Variants in ADORA2B observed in about 807,000 individuals in gnomAD.
ADORA2B encodes the protein adenosine receptor A2b.
In ADORA2B, 18 loss-of-function variants were observed where a neutral mutation model predicts 20.8. That is an observed-to-expected ratio of 0.87 (90% CI 0.60 to 1.29). ADORA2B has a LOEUF of 1.29. ADORA2B is among the 50% of genes most tolerant of loss of function. ADORA2B has a pLI of 0.00. For missense variants in ADORA2B, 441 were observed against 422.7 expected (o/e 1.04, Z -0.38); for synonymous variants, 179 against 178.3 (o/e 1.00, Z -0.03).
the ADORA2B span, among the ~76,000 whole-genome samples, chr17:15,911,714 T>G: frequency 2.0e-5 from 3 of 152,172 alleles, no homozygotes; most frequent in African/African-American, 7.2e-5. Flanking sequence ...TGACTGCCAT[T>G]TTACTTGCCA....
At chr17:15,857,588 C>T in the ADORA2B span, among the ~76,000 whole-genome samples, 1 of 152,180 alleles carries the variant, frequency 6.6e-6, no homozygotes, top group African/African-American at 2.4e-5. Context: ...GGAGCCTACC[C>T]CTTGGATCAG....
the ADORA2B span, among the ~76,000 whole-genome samples, chr17:15,882,087 A>G: frequency 4.6e-5 from 7 of 152,308 alleles, no homozygotes; most frequent in Non-Finnish European, 1.0e-4. Context: ...TCCTTAAGGA[A>G]AAGGGGAGAG....
the ADORA2B span, among the ~76,000 whole-genome samples, chr17:15,899,229 C>CA: frequency 7.2e-3 from 931 of 129,278 alleles, 4 homozygotes; most frequent in South Asian, 0.027. Flanking sequence ...GACTCTGTCT[C>CA]AAAAAAAAAA....
chr17:15,954,408 G>A (rs1470587957), intron 1 of ADORA2B, among the ~76,000 whole-genome samples: 1 of 152,144 alleles, frequency 6.6e-6, no homozygotes, highest in Non-Finnish European at 1.5e-5. Context: ...CCACATCCTC[G>A]TGATCACCCA....
At chr17:15,918,175 T>G in the ADORA2B span, among the ~76,000 whole-genome samples, 1 of 152,180 alleles carries the variant, frequency 6.6e-6, no homozygotes, top group Non-Finnish European at 1.5e-5. Flanking sequence ...GAGCTGCTCC[T>G]GGCCTCTTAC....
At chr17:15,958,524 T>C (rs925979606) in intron 1 of ADORA2B, among the ~76,000 whole-genome samples, 5 of 152,200 alleles carry the variant, frequency 3.3e-5, no homozygotes, top group African/African-American at 1.2e-4. Context: ...TGCCTTAGGA[T>C]GTCATCCCAG....
At chr17:15,882,790 A>G in the ADORA2B span, among the ~76,000 whole-genome samples, 1 of 151,910 alleles carries the variant, frequency 6.6e-6, no homozygotes, top group Non-Finnish European at 1.5e-5. Context: ...ACTGAGGGTG[A>G]TTTAAGTTTC....
chr17:15,865,697 A>G, the ADORA2B span, among the ~76,000 whole-genome samples: 1 of 151,000 alleles, frequency 6.6e-6, no homozygotes, highest in African/African-American at 2.4e-5. Flanking sequence ...ACTCCCTAAG[A>G]TAACCATTGT....
the ADORA2B span, among the ~76,000 whole-genome samples, chr17:15,899,989 G>T: frequency 2.6e-4 from 40 of 152,042 alleles, no homozygotes; most frequent in East Asian, 4.1e-3. Context: ...GTGCCACCAT[G>T]CCCAGCTAAT....
At chr17:15,955,488 C>T (rs981217168) in intron 1 of ADORA2B, among the ~76,000 whole-genome samples, 6 of 151,528 alleles carry the variant, frequency 4.0e-5, no homozygotes, top group African/African-American at 1.5e-4. Context: ...CTCACTGCAA[C>T]CTCCATCTCC....
the ADORA2B span, among the ~76,000 whole-genome samples, chr17:15,933,788 A>C: frequency 1.0e-5 from 1 of 99,860 alleles, no homozygotes; most frequent in Non-Finnish European, 2.3e-5. Flanking sequence ...ATATATATAT[A>C]TAGAGAGAGA....
chr17:15,897,483 G>C, the ADORA2B span, among the ~76,000 whole-genome samples: 2,221 of 152,202 alleles, frequency 0.015, 31 homozygotes, highest in South Asian at 0.048. Flanking sequence ...TGGGAGGATT[G>C]GTTGAGCCCA....
At chr17:15,927,827 C>T in the ADORA2B span, among the ~76,000 whole-genome samples, 42 of 152,226 alleles carry the variant, frequency 2.8e-4, no homozygotes, top group East Asian at 7.5e-3. Flanking sequence ...GGAGAAGACT[C>T]GGATCAAGAG....
At chr17:15,905,108 A>G in the ADORA2B span, among the ~76,000 whole-genome samples, 1 of 152,232 alleles carries the variant, frequency 6.6e-6, no homozygotes, top group African/African-American at 2.4e-5. Flanking sequence ...TTGTATCTGT[A>G]AATCAAACTG....
chr17:15,969,973 G>A (rs970039307), intron 1 of ADORA2B, among the ~76,000 whole-genome samples: 2 of 152,212 alleles, frequency 1.3e-5, no homozygotes, highest in African/African-American at 4.8e-5. Context: ...GGCCTGGTAT[G>A]TTCTACTTTT....
chr17:15,945,603 C>G lies in ADORA2B; in HGVS notation c.335+20C>G. On this transcript the variant is annotated intron_variant, in intron 1 of 1. Coordinates refer to ENST00000304222, the MANE Select transcript of ADORA2B (RefSeq NM_000676.4). The stretch of plus-strand genomic sequence containing the variant: ...GCTCAGGTGAGGCGCTCGGCGTCGC[C>G]CGAACTCGGGGCCCCGTCGGAGCTC... 6.9e-7 allele frequency: 1 copy of G among 1,458,544 alleles called. No individual in the cohort carries two copies. Among genetic ancestry groups the G allele is most frequent in the Non-Finnish European group, 9.0e-7 (1 of 1,108,876 alleles). The allele number at this position is 1,458,544 out of a possible 1,614,324, so 90.4% of individuals were successfully genotyped here. A position where few individuals can be genotyped will look rare whatever the true frequency, so the allele number is the denominator to read the frequency against.
In ADORA2B at chr17:15,974,856, T is replaced by C. The variant is rs762156281; in HGVS notation, c.513T>C (p.Cys171=). The C allele has an allele frequency of 8.1e-6, 13 of 1,614,004 alleles. No homozygotes were observed. The highest frequency in any genetic ancestry group is 1.1e-5 in the Non-Finnish European group (13 of 1,180,042). Reference sequence around the variant, plus strand: ...ATGAAAGCTGCTGCCTTGTGAAGTGTCTCTTTGAGAATGTGGTCCCCATGA... The same window carrying C: ...ATGAAAGCTGCTGCCTTGTGAAGTGCCTCTTTGAGAATGTGGTCCCCATGA... The part of the protein sequence containing the change: ...TTNESCCLVK[C]LFENVVPMSY... Residue 171 remains cysteine (C), a synonymous_variant, in exon 2 of 2, where the codon TGT becomes TGC. Coordinates refer to ENST00000304222, the MANE Select transcript of ADORA2B (RefSeq NM_000676.4).
chr17:15,892,261 C>G, the ADORA2B span, among the ~76,000 whole-genome samples: 138 of 151,888 alleles, frequency 9.1e-4, no homozygotes, highest in Middle Eastern at 0.01. Flanking sequence ...CTCTGCCTCC[C>G]AGGGTCAAGC....
At chr17:15,971,532 T>C (rs56250180) in intron 1 of ADORA2B, among the ~76,000 whole-genome samples, 17,352 of 152,240 alleles carry the variant, frequency 0.11, 1,700 homozygotes, top group African/African-American at 0.26. Flanking sequence ...TTCTGCCTGT[T>C]CAGGCTGCAA....
Sources: allele counts gnomAD v4.1 joint callset (sites outside exome capture counted in the v4.1 genomes callset), GRCh38; gene constraint gnomAD v4.1.1; transcripts MANE v1.5; gene names NCBI Gene and HGNC (gene_info 2026-07-23, HGNC 2026-07-21).